Variants in SDK1 observed in about 807,000 individuals in gnomAD.
SDK1 encodes the protein sidekick cell adhesion molecule 1, also known as protein sidekick-1.
A neutral mutation model predicts 245.5 loss-of-function variants in SDK1; 157 were observed. The observed-to-expected ratio is 0.64, with a 90% CI of 0.56 to 0.73. The LOEUF is 0.73. Among genes scored for constraint, SDK1 ranks in the 30% least tolerant of loss-of-function variants. The probability of loss-of-function intolerance (pLI) is 0.00; values close to 1 mark genes in which losing one functional copy is unlikely to be tolerated. For synonymous variants in SDK1, 1,647 were observed against 1,278.5 expected, an observed-to-expected ratio of 1.29 and a Z score of -6.15; for missense variants, 3,583 against 3,002.3, an observed-to-expected ratio of 1.19 and a Z score of -4.52.
chr7:3,478,647 T>A (rs1781417921), intron 1 of SDK1, among the ~76,000 whole-genome samples: 1 of 152,122 alleles, frequency 6.6e-6, no homozygotes, highest in African/African-American at 2.4e-5. Flanking sequence ...TTATTAGACT[T>A]TCCAAAGAAT....
Position 3,959,032 on chromosome 7 carries a change from G to T in SDK1, c.1234+18G>T, listed in dbSNP as rs777118886. The T allele has an allele frequency of 6.3e-7, 1 of 1,576,068 alleles. No individual in the cohort carries two copies. Among genetic ancestry groups the T allele is most frequent in the Non-Finnish European group, 8.7e-7 (1 of 1,145,654 alleles). ...AGCCATGGGTGAGTGCAGAGTGGCT[G>T]CTGGACAAGGAGCCATGACTGGGAG... On this transcript the variant is annotated intron_variant, in intron 8 of 44. Transcript: ENST00000404826.
chr7:4,215,767 C>T (rs1020924832), intron 38 of SDK1, among the ~76,000 whole-genome samples: 2 of 152,252 alleles, frequency 1.3e-5, no homozygotes, highest in African/African-American at 4.8e-5. Flanking sequence ...TTGTGGAGCA[C>T]CTATTACTTG....
Position 4,191,422 on chromosome 7 carries a change from C to T in SDK1, c.5098+12836C>T, listed in dbSNP as rs553810497. ...AGGTTGTGGAGCATCGCGCGGTGCCCGCTGCTGCATTTGGAAAGGCTCCCT... is the reference window on the plus strand; with the variant it reads ...AGGTTGTGGAGCATCGCGCGGTGCCTGCTGCTGCATTTGGAAAGGCTCCCT... On this transcript the variant is annotated intron_variant, in intron 35 of 44. Transcript: ENST00000404826. Among the ~76,000 whole-genome samples, 4 of 152,348 alleles carry T rather than the reference C, an allele frequency of 2.6e-5. No individual in the cohort carries two copies. The South Asian group carries it at 6.2e-4, about 24-fold the overall frequency.
At chr7:3,314,676 T>A (rs946996059) in intron 1 of SDK1, among the ~76,000 whole-genome samples, 2 of 152,234 alleles carry the variant, frequency 1.3e-5, no homozygotes, top group African/African-American at 2.4e-5. Context: ...TCTCTAACTT[T>A]GCTGTCTTCT....
intron 5 of SDK1, among the ~76,000 whole-genome samples, chr7:3,913,826 C>G (rs1779274127): frequency 6.6e-6 from 1 of 152,138 alleles, no homozygotes; most frequent in African/African-American, 2.4e-5. Context: ...TGATTTTCCT[C>G]CACATTTTCT....
chr7:3,998,533 C>T (rs1474424752), intron 14 of SDK1, among the ~76,000 whole-genome samples: 1 of 152,110 alleles, frequency 6.6e-6, no homozygotes, highest in African/African-American at 2.4e-5. Flanking sequence ...TTCAGAAGAT[C>T]AATACGCTTC....
Position 3,424,855 on chromosome 7 carries a change from C to G in SDK1, c.298+122971C>G, listed in dbSNP as rs538723282. Among the ~76,000 whole-genome samples, 7 of 152,268 alleles carry G rather than the reference C, an allele frequency of 4.6e-5. No homozygotes were observed. In the South Asian group the frequency reaches 6.2e-4, roughly 14 times the overall value. On this transcript the variant is annotated intron_variant, in intron 1 of 44. Transcript: ENST00000404826. Reference sequence around the variant, plus strand: ...AAGGCTGCAGTGAGCTATGATAGCACTACTGCACTCCAGCCTTGGTGACAG... The same window carrying G: ...AAGGCTGCAGTGAGCTATGATAGCAGTACTGCACTCCAGCCTTGGTGACAG...
intron 35 of SDK1, among the ~76,000 whole-genome samples, chr7:4,196,202 G>A (rs1159133795): frequency 2.6e-5 from 4 of 152,162 alleles, no homozygotes; most frequent in Admixed American, 1.3e-4. Flanking sequence ...CCTGGTCACT[G>A]CAACTGGTGG....
chr7:3,856,197 AAAGT>A (rs1780541097), intron 5 of SDK1, among the ~76,000 whole-genome samples: 1 of 152,162 alleles, frequency 6.6e-6, no homozygotes, highest in Non-Finnish European at 1.5e-5. Flanking sequence ...ATACAAGGAA[AAAGT>A]AAGTTTCTGT....
intron 17 of SDK1, among the ~76,000 whole-genome samples, chr7:4,048,843 C>G (rs931560502): frequency 2.0e-5 from 3 of 152,184 alleles, no homozygotes; most frequent in Admixed American, 2.0e-4. Flanking sequence ...AAATGATTGT[C>G]CCCGTTGACA....
At chr7:3,404,315 T>C (rs1391368917) in intron 1 of SDK1, among the ~76,000 whole-genome samples, 1 of 152,196 alleles carries the variant, frequency 6.6e-6, no homozygotes, top group Non-Finnish European at 1.5e-5. Context: ...ATAACTTATA[T>C]TAATAGCTGC....
At chr7:3,723,923 C>CGTAT in intron 4 of SDK1, among the ~76,000 whole-genome samples, 1 of 109,268 alleles carries the variant, frequency 9.2e-6, no homozygotes, top group Non-Finnish European at 1.8e-5. Flanking sequence ...TATATATACA[C>CGTAT]GTATATATAT....
rs116429846 is a variant in SDK1 at position 3,527,969 on chromosome 7, T to G, written c.299-91111T>G. Among the ~76,000 whole-genome samples, 362 of 145,858 alleles carry G rather than the reference T, an allele frequency of 2.5e-3. 1 individual carries two copies. Among genetic ancestry groups the G allele is most frequent in the African/African-American group, 8.8e-3 (343 of 38,848 alleles). On this transcript the variant is annotated intron_variant, in intron 1 of 44. Coordinates refer to ENST00000404826, the MANE Select transcript of SDK1 (RefSeq NM_152744.4). ...AGTTGGATGATAGCTAGCGGGTGAGTGGTGGGAGGTGAGGCTGGGTGTCAG... is the reference window on the plus strand; with the variant it reads ...AGTTGGATGATAGCTAGCGGGTGAGGGGTGGGAGGTGAGGCTGGGTGTCAG...
intron 5 of SDK1, among the ~76,000 whole-genome samples, chr7:3,884,204 C>T (rs538799901): frequency 1.1e-4 from 17 of 152,040 alleles, no homozygotes; most frequent in South Asian, 2.1e-4. Flanking sequence ...CCTCAGCCTC[C>T]GAAAGCATGG....
chr7:3,759,392 G>C (rs1439147209), intron 4 of SDK1, among the ~76,000 whole-genome samples: 1 of 152,030 alleles, frequency 6.6e-6, no homozygotes, highest in Non-Finnish European at 1.5e-5. Context: ...TCTGAGGAGA[G>C]CCATGTCCTA....
At chr7:3,795,392 T>C (rs1294416911) in intron 4 of SDK1, among the ~76,000 whole-genome samples, 2 of 152,148 alleles carry the variant, frequency 1.3e-5, no homozygotes, top group African/African-American at 4.8e-5. Context: ...AGGAGTCTGA[T>C]TCAGGCCTTA....
chr7:4,072,906 G>C (rs1269421383), intron 20 of SDK1, among the ~76,000 whole-genome samples: 1 of 152,254 alleles, frequency 6.6e-6, no homozygotes, highest in Non-Finnish European at 1.5e-5. Context: ...GGCTGCGCCT[G>C]CCCGAGTAAA....
chr7:4,047,435 T>C (rs192259539), intron 17 of SDK1, among the ~76,000 whole-genome samples: 10 of 152,320 alleles, frequency 6.6e-5, no homozygotes, highest in African/African-American at 2.2e-4. Context: ...GTGTTCATGA[T>C]GGATATTGGT....
At chr7:3,639,170 A>C in intron 3 of SDK1, 60 bp downstream of exon 3, 1 of 907,978 alleles carries the variant, frequency 1.1e-6, no homozygotes, top group African/African-American at 1.6e-5. Flanking sequence ...TGGGGAGTCA[A>C]TCAGAATCAC....
Sources: allele counts gnomAD v4.1 joint callset (sites outside exome capture counted in the v4.1 genomes callset), GRCh38; gene constraint gnomAD v4.1.1; transcripts MANE v1.5; gene names NCBI Gene and HGNC (gene_info 2026-07-23, HGNC 2026-07-21).